The following NKAIN2 variants were observed in gnomAD, a reference collection of about 807,000 sequenced individuals.
NKAIN2 encodes sodium/potassium-transporting ATPase subunit beta-1-interacting protein 2.
NKAIN2 carries 14 observed loss-of-function variants against 32.6 expected under a neutral mutation model. The ratio of observed to expected loss-of-function variants is 0.43; its 90% confidence interval spans 0.28 to 0.67. The LOEUF (loss-of-function observed/expected upper bound fraction) is 0.67. Ranked by LOEUF, NKAIN2 falls within the 30% of genes least tolerant of loss-of-function variation. NKAIN2 has a pLI of 0.17. For synonymous variants in NKAIN2, 80 were observed against 87.2 expected, an observed-to-expected ratio of 0.92 and a Z score of 0.46; for missense variants, 198 against 258.3, an observed-to-expected ratio of 0.77 and a Z score of 1.60.
At chr6:124,592,905 G>A (rs1488289955) in intron 3 of NKAIN2, among the ~76,000 whole-genome samples, 4 of 152,070 alleles carry the variant, frequency 2.6e-5, no homozygotes, top group South Asian at 2.1e-4. Flanking sequence ...TGAACTTCAC[G>A]CTAGCTGTTT....
intron 1 of NKAIN2, among the ~76,000 whole-genome samples, chr6:124,266,239 T>G (rs1020662508): frequency 2.0e-5 from 3 of 152,224 alleles, no homozygotes; most frequent in African/African-American, 7.2e-5. Context: ...ATAATTTATC[T>G]GTTAGGTCAA....
intron 1 of NKAIN2, among the ~76,000 whole-genome samples, chr6:124,111,653 T>C (rs1279234661): frequency 6.6e-6 from 1 of 152,100 alleles, no homozygotes. Context: ...TTAGAGAGTT[T>C]AATCCATTTA....
At chr6:124,073,030 G>A (rs1363726888) in intron 1 of NKAIN2, among the ~76,000 whole-genome samples, 1 of 152,198 alleles carries the variant, frequency 6.6e-6, no homozygotes, top group Non-Finnish European at 1.5e-5. Context: ...TTGCTTGCAG[G>A]TAGATGATTT....
intron 1 of NKAIN2, among the ~76,000 whole-genome samples, chr6:123,813,638 G>A (rs966711715): frequency 3.3e-5 from 5 of 151,940 alleles, no homozygotes; most frequent in African/African-American, 7.2e-5. Context: ...ATAGCAAAAC[G>A]TCATCTCTAC....
At chr6:123,881,652 AT>A (rs1773457495) in intron 1 of NKAIN2, among the ~76,000 whole-genome samples, 1 of 152,126 alleles carries the variant, frequency 6.6e-6, no homozygotes, top group East Asian at 1.9e-4. Flanking sequence ...AATGTTTTCT[AT>A]TTGTGGATTT....
chr6:124,106,443 G>A (rs1017325490), intron 1 of NKAIN2, among the ~76,000 whole-genome samples: 1 of 152,150 alleles, frequency 6.6e-6, no homozygotes, highest in African/African-American at 2.4e-5. Context: ...TTGTATCTAT[G>A]ATATCATATT....
At chr6:123,931,313 C>A (rs541395026) in intron 1 of NKAIN2, among the ~76,000 whole-genome samples, 2 of 152,188 alleles carry the variant, frequency 1.3e-5, no homozygotes, top group African/African-American at 4.8e-5. Context: ...TTTTTTTACC[C>A]TTTCTGACAC....
In NKAIN2 at chr6:123,990,375, G is replaced by A. The variant is rs144299318; in HGVS notation, c.54+186121G>A. Among the ~76,000 whole-genome samples, 9 of 152,266 alleles carry A rather than the reference G, an allele frequency of 5.9e-5. No individual in the cohort carries two copies. The East Asian group carries it at 1.7e-3, about 29-fold the overall frequency. ...TCTAAAATATCCATATTTTTAGTATGCTACAACTTATATTCTTTGCTATTT... is the reference window on the plus strand; with the variant it reads ...TCTAAAATATCCATATTTTTAGTATACTACAACTTATATTCTTTGCTATTT... On this transcript the variant is annotated intron_variant, in intron 1 of 6. Coordinates refer to ENST00000368417, the MANE Select transcript of NKAIN2 (RefSeq NM_001040214.3).
At chr6:123,983,346 C>G (rs903302192) in intron 1 of NKAIN2, among the ~76,000 whole-genome samples, 2 of 152,104 alleles carry the variant, frequency 1.3e-5, no homozygotes, top group Non-Finnish European at 2.9e-5. Context: ...GTCAGATGGC[C>G]TTGGGTCAGA....
At chr6:124,355,733 A>C (rs1457034578) in intron 3 of NKAIN2, among the ~76,000 whole-genome samples, 3 of 152,192 alleles carry the variant, frequency 2.0e-5, no homozygotes. Context: ...ATAACAGTGC[A>C]ATAATTGAAA....
In NKAIN2 at chr6:124,070,828, C is replaced by T. The variant is rs539017504; in HGVS notation, c.55-212177C>T. On this transcript the variant is annotated intron_variant, in intron 1 of 6. Transcript: ENST00000368417. ...CAATCCTAAGCAAAAAGGACCAAGT[C>T]GGAGGCATCACATTACCCCACTTCA... Among the ~76,000 whole-genome samples the T allele has an allele frequency of 1.9e-3, 291 of 152,206 alleles. 1 individual carries two copies. The highest frequency in any genetic ancestry group is 6.5e-3 in the African/African-American group (269 of 41,562).
chr6:123,951,205 T>C (rs1777310325), intron 1 of NKAIN2, among the ~76,000 whole-genome samples: 1 of 152,064 alleles, frequency 6.6e-6, no homozygotes, highest in Admixed American at 6.6e-5. Flanking sequence ...GAATGTCTTA[T>C]GTGCTAATGA....
intron 1 of NKAIN2, among the ~76,000 whole-genome samples, chr6:124,157,489 A>G (rs1238851534): frequency 6.6e-6 from 1 of 152,162 alleles, no homozygotes; most frequent in African/African-American, 2.4e-5. Flanking sequence ...AACATGGTGA[A>G]GTTGTTTTCA....
intron 1 of NKAIN2, among the ~76,000 whole-genome samples, chr6:124,082,669 T>A (rs1784028666): frequency 2.0e-5 from 3 of 152,194 alleles, no homozygotes; most frequent in Admixed American, 2.0e-4. Flanking sequence ...GAGTTCTGAG[T>A]TTAAAGGATC....
intron 2 of NKAIN2, among the ~76,000 whole-genome samples, chr6:124,333,520 C>T (rs983917994): frequency 3.9e-5 from 6 of 151,924 alleles, no homozygotes; most frequent in South Asian, 2.1e-4. Context: ...ATTAGCTGGG[C>T]GTGGTGGTGG....
chr6:124,370,294 G>C (rs185848139), intron 3 of NKAIN2, among the ~76,000 whole-genome samples: 1 of 151,846 alleles, frequency 6.6e-6, no homozygotes, highest in East Asian at 2.0e-4. Flanking sequence ...GTAGCACTTA[G>C]AGTGTCACTT....
At chr6:124,182,486 A>T (rs1789493814) in intron 1 of NKAIN2, among the ~76,000 whole-genome samples, 1 of 152,186 alleles carries the variant, frequency 6.6e-6, no homozygotes, top group South Asian at 2.1e-4. Context: ...TTATTAGTAA[A>T]ATATTTTAAA....
intron 1 of NKAIN2, among the ~76,000 whole-genome samples, chr6:123,807,812 A>G (rs566788605): frequency 6.6e-6 from 1 of 152,296 alleles, no homozygotes; most frequent in South Asian, 2.1e-4. Context: ...ACTCCACAGA[A>G]TAACACTTGA....
chr6:124,617,606 T>C (rs1008396849), intron 3 of NKAIN2, among the ~76,000 whole-genome samples: 1 of 152,170 alleles, frequency 6.6e-6, no homozygotes, highest in African/African-American at 2.4e-5. Context: ...TTAGCTGCCT[T>C]ATTTGCTGAA....
Sources: gnomAD v4.1 joint callset for allele counts (sites outside exome capture counted in the v4.1 genomes callset) on GRCh38, gnomAD v4.1.1 for gene constraint, MANE v1.5 for transcripts, NCBI Gene and HGNC (gene_info 2026-07-23, HGNC 2026-07-21) for gene names.